The following JCAD variants were observed in gnomAD, a reference collection of about 807,000 sequenced individuals.
JCAD encodes junctional cadherin 5 associated, also known as junctional cadherin 5-associated protein.
JCAD carries 40 observed loss-of-function variants against 98.0 expected under a neutral mutation model. The observed-to-expected ratio is 0.41, with a 90% CI of 0.32 to 0.53. The LOEUF (loss-of-function observed/expected upper bound fraction) is 0.53. JCAD is among the 20% of genes least tolerant of loss of function. The probability of loss-of-function intolerance (pLI) is 0.31; values close to 1 mark genes in which losing one functional copy is unlikely to be tolerated. For missense variants in JCAD, 1,705 were observed against 1,738.1 expected (o/e 0.98, Z 0.34); for synonymous variants, 691 against 682.3 (o/e 1.01, Z -0.20).
intron 2 of JCAD, among the ~76,000 whole-genome samples, chr10:30,033,776 G>T (rs962634006): frequency 2.0e-5 from 3 of 152,218 alleles, no homozygotes; most frequent in Non-Finnish European, 4.4e-5. Context: ...GCCTGGAAGA[G>T]TCCCTGCTGG....
At chr10:30,045,575 C>T (rs757819828) in intron 2 of JCAD, among the ~76,000 whole-genome samples, 3 of 152,234 alleles carry the variant, frequency 2.0e-5, no homozygotes, top group East Asian at 3.9e-4. Context: ...AAAACAAAAA[C>T]AAGCACCCGT....
intron 1 of JCAD, among the ~76,000 whole-genome samples, chr10:30,057,082 A>T (rs1464739077): frequency 1.3e-5 from 2 of 152,238 alleles, no homozygotes; most frequent in Non-Finnish European, 2.9e-5. Context: ...GGCCCAGAGG[A>T]CTTCAGAGAG....
Position 30,044,854 on chromosome 10 carries a change from C to G in JCAD, c.281+2678G>C, listed in dbSNP as rs1234413006. On this transcript the variant is annotated intron_variant, in intron 2 of 3. Transcript: ENST00000375377. ...AAAAAAAAAAAGTCTTTCATTTCAACCCAGGGAACCTTGCAGCCAGTCTCT... is the reference window on the plus strand; with the variant it reads ...AAAAAAAAAAAGTCTTTCATTTCAAGCCAGGGAACCTTGCAGCCAGTCTCT... The G allele has an allele frequency of 1.9e-5, 18 of 937,478 alleles. No individual in the cohort carries two copies. The South Asian group carries it at 6.9e-4, about 36-fold the overall frequency. The allele number at this position is 937,478 out of a possible 1,614,324, so 58.1% of individuals were successfully genotyped here. A position where few individuals can be genotyped will look rare whatever the true frequency, so the allele number is the denominator to read the frequency against.
chr10:30,039,363 CTCCCACAACGTGAGGCCCT>C (rs528362137), intron 2 of JCAD, among the ~76,000 whole-genome samples: 2 of 152,354 alleles, frequency 1.3e-5, no homozygotes, highest in African/African-American at 4.8e-5. Context: ...ACACTGTTCC[CTCCCACAACGTGAGGCCCT>C]TCCCACCTGA....
chr10:30,033,502 A>G (rs540504906), intron 2 of JCAD, among the ~76,000 whole-genome samples: 7 of 152,352 alleles, frequency 4.6e-5, no homozygotes, highest in African/African-American at 1.7e-4. Context: ...CGTGCAGAGG[A>G]GAGCCGGTCT....
intron 1 of JCAD, among the ~76,000 whole-genome samples, chr10:30,076,047 A>C (rs1209313822): frequency 4.0e-5 from 6 of 151,280 alleles, no homozygotes; most frequent in Admixed American, 3.3e-4. Flanking sequence ...TTTTTGAGAC[A>C]GAGTCTCATT....
intron 2 of JCAD, among the ~76,000 whole-genome samples, chr10:30,038,730 GAGAA>G (rs1259733120): frequency 2.7e-5 from 4 of 149,862 alleles, no homozygotes; most frequent in African/African-American, 7.3e-5. Context: ...AAAAGAGAAA[GAGAA>G]AGAGAGAAGA....
chr10:30,037,300 G>A (rs546543654), intron 2 of JCAD, among the ~76,000 whole-genome samples: 5 of 152,292 alleles, frequency 3.3e-5, no homozygotes, highest in South Asian at 2.1e-4. Context: ...ACAGGGTAAC[G>A]AATGGGCTAA....
intron 3 of JCAD, among the ~76,000 whole-genome samples, chr10:30,024,688 ATTTTT>A (rs35394945): frequency 2.0e-5 from 2 of 100,690 alleles, no homozygotes; most frequent in African/African-American, 4.6e-5. Flanking sequence ...GCCCATGTAC[ATTTTT>A]TTTTTTTTTT....
At chr10:30,050,171 C>A (rs1334814871) in intron 1 of JCAD, among the ~76,000 whole-genome samples, 5 of 151,624 alleles carry the variant, frequency 3.3e-5, no homozygotes, top group Non-Finnish European at 7.4e-5. Flanking sequence ...AAAAATTAGC[C>A]AGGCATGATG....
intron 1 of JCAD, among the ~76,000 whole-genome samples, chr10:30,082,870 AAAAAAAAC>A (rs968983604): frequency 4.7e-5 from 7 of 148,370 alleles, no homozygotes; most frequent in African/African-American, 1.5e-4. Context: ...AAAAAAAAAA[AAAAAAAAC>A]AAAAAATTAG....
intron 1 of JCAD, among the ~76,000 whole-genome samples, chr10:30,077,025 T>C (rs1659015171): frequency 6.6e-6 from 1 of 152,154 alleles, no homozygotes. Context: ...GAAAAACGTA[T>C]GAAGACATTC....
At position 30,093,996 on chromosome 10, in the gene JCAD, A is replaced by C. The variant is rs561678346; in HGVS notation, n.128+21371T>G. 2.0e-4 allele frequency among the ~76,000 whole-genome samples: 30 copies of C among 152,262 alleles called. No individual in the cohort carries two copies. The South Asian group carries it at 6.2e-3, about 32-fold the overall frequency. On this transcript the variant is annotated intron_variant and non_coding_transcript_variant, in intron 1 of 2. Coordinates refer to the JCAD transcript ENST00000465712. The stretch of plus-strand genomic sequence containing the variant: ...TCATGGGATTCTGTCTTTGTTACAT[A>C]ACACTTTGCTCGGCTCATGAGGACT...
chr10:30,104,803 TTTG>T (rs1554803858), intron 1 of JCAD, among the ~76,000 whole-genome samples: 1 of 152,214 alleles, frequency 6.6e-6, no homozygotes, highest in African/African-American at 2.4e-5. Context: ...TGTTTGTTTG[TTTG>T]TTTTTTAAAT....
intron 1 of JCAD, among the ~76,000 whole-genome samples, chr10:30,070,107 A>G (rs1331079982): frequency 6.6e-6 from 1 of 152,224 alleles, no homozygotes; most frequent in Admixed American, 6.5e-5. Flanking sequence ...ACTACAGAGG[A>G]TAATTAGTGG....
intron 2 of JCAD, among the ~76,000 whole-genome samples, chr10:30,046,428 G>T (rs1403715779): frequency 2.6e-5 from 4 of 152,126 alleles, no homozygotes; most frequent in African/African-American, 9.7e-5. Flanking sequence ...CAGTGTGCGT[G>T]CAAGGAAAAG....
intron 1 of JCAD, among the ~76,000 whole-genome samples, chr10:30,071,701 C>T (rs1280856975): frequency 6.6e-6 from 1 of 151,956 alleles, no homozygotes; most frequent in Non-Finnish European, 1.5e-5. Flanking sequence ...TTGCTTGAAC[C>T]TGGGGGGCGG....
intron 1 of JCAD, among the ~76,000 whole-genome samples, chr10:30,097,044 A>G (rs1213044971): frequency 6.6e-6 from 1 of 152,210 alleles, no homozygotes; most frequent in East Asian, 1.9e-4. Context: ...ATGATGCTCA[A>G]CAGCATCAAT....
At chr10:30,114,607 G>A (rs1251503246) in intron 1 of JCAD, among the ~76,000 whole-genome samples, 1 of 150,292 alleles carries the variant, frequency 6.7e-6, no homozygotes, top group Non-Finnish European at 1.5e-5. Flanking sequence ...AAAACCAGGA[G>A]GTGTGGTGGC....
Sources: allele counts gnomAD v4.1 joint callset (sites outside exome capture counted in the v4.1 genomes callset), GRCh38; gene constraint gnomAD v4.1.1; transcripts MANE v1.5; gene names NCBI Gene and HGNC (gene_info 2026-07-23, HGNC 2026-07-21).